The following AK5 variants were observed in gnomAD, a reference collection of about 807,000 sequenced individuals.
AK5 encodes adenylate kinase isoenzyme 5.
In AK5, 27 loss-of-function variants were observed where a neutral mutation model predicts 69.5. That is an observed-to-expected ratio of 0.39 (90% CI 0.29 to 0.54). AK5 has a LOEUF of 0.54. Among genes scored for constraint, AK5 ranks in the 20% least tolerant of loss-of-function variants. The pLI, the probability that AK5 is intolerant of heterozygous loss-of-function variation, is 0.71. For missense variants in AK5, 531 were observed against 700.4 expected, an observed-to-expected ratio of 0.76 and a Z score of 2.73; for synonymous variants, 260 against 244.4, an observed-to-expected ratio of 1.06 and a Z score of -0.60.
chr1:77,388,895 A>G (rs1451602458), intron 6 of AK5, among the ~76,000 whole-genome samples: 1 of 152,222 alleles, frequency 6.6e-6, no homozygotes, highest in Non-Finnish European at 1.5e-5. Context: ...CAGACCGCAA[A>G]TGAAGGAAGC....
chr1:77,316,717 T>C (rs1660261807), intron 5 of AK5, among the ~76,000 whole-genome samples: 1 of 152,334 alleles, frequency 6.6e-6, no homozygotes, highest in Non-Finnish European at 1.5e-5. Context: ...ACTAATGACT[T>C]AGCTTGTTTA....
chr1:77,368,880 G>GTGGT (rs760435376), intron 6 of AK5, among the ~76,000 whole-genome samples: 1 of 148,208 alleles, frequency 6.7e-6, no homozygotes, highest in Non-Finnish European at 1.5e-5. Context: ...ACAATTAAAG[G>GTGGT]TGGTTATGTA....
chr1:77,466,392 A>G (rs1444421089), intron 8 of AK5, among the ~76,000 whole-genome samples: 2 of 152,170 alleles, frequency 1.3e-5, no homozygotes, highest in Non-Finnish European at 2.9e-5. Flanking sequence ...TCGTTACCTA[A>G]TATCAGTTAG....
chr1:77,497,186 G>A (rs1342478034), intron 10 of AK5, among the ~76,000 whole-genome samples: 3 of 152,148 alleles, frequency 2.0e-5, no homozygotes, highest in Admixed American at 1.3e-4. Context: ...AACTCCGGAC[G>A]TGCCACCCTT....
Position 77,282,360 on chromosome 1 carries a change from C to T in AK5, c.47C>T (p.Pro16Leu). The change falls in exon 1 of 14, where the codon CCT (proline) becomes CTT (leucine). Residue 16 changes from proline to leucine, a missense_variant. Coordinates refer to ENST00000354567, the MANE Select transcript of AK5 (RefSeq NM_174858.3). ...GAGTATCTGGCCCGGAGGGAAATCC[C>T]TCAGCTTTTTGAGGTAGGGCTAGAG... ...AKEYLARREI[P>L]QLFESLLNGL... 12 of 1,555,030 alleles carry T rather than the reference C, an allele frequency of 7.7e-6. No homozygotes were observed. The highest frequency in any genetic ancestry group is 1.0e-5 in the Non-Finnish European group (12 of 1,149,610).
chr1:77,427,242 C>G (rs1253915071), intron 8 of AK5, among the ~76,000 whole-genome samples: 1 of 151,926 alleles, frequency 6.6e-6, no homozygotes, highest in African/African-American at 2.4e-5. Flanking sequence ...TCCATAAAAT[C>G]AATGAGCCTC....
chr1:77,296,482 C>A (rs1048946259), intron 3 of AK5, among the ~76,000 whole-genome samples: 2 of 151,656 alleles, frequency 1.3e-5, no homozygotes, highest in Non-Finnish European at 2.9e-5. Flanking sequence ...TCTACTATTG[C>A]CTCCATTAGT....
intron 12 of AK5, among the ~76,000 whole-genome samples, chr1:77,525,602 C>T (rs539868777): frequency 1.2e-3 from 182 of 152,250 alleles, no homozygotes; most frequent in African/African-American, 4.1e-3. Context: ...GTCATTACCA[C>T]GAGGATAGCA....
intron 6 of AK5, among the ~76,000 whole-genome samples, chr1:77,410,641 A>G (rs1442982191): frequency 1.3e-5 from 2 of 152,144 alleles, no homozygotes; most frequent in Non-Finnish European, 1.5e-5. Context: ...TACTGTTTAG[A>G]ACTATATATT....
intron 10 of AK5, among the ~76,000 whole-genome samples, chr1:77,489,515 T>C (rs903243944): frequency 6.6e-6 from 1 of 152,226 alleles, no homozygotes; most frequent in Non-Finnish European, 1.5e-5. Context: ...TTTAACCTTA[T>C]GAAAATATTC....
chr1:77,317,735 C>T (rs1660314808), intron 5 of AK5, among the ~76,000 whole-genome samples: 1 of 152,162 alleles, frequency 6.6e-6, no homozygotes, highest in Admixed American at 6.6e-5. Context: ...GATTGAAAAC[C>T]TTTCATGACA....
intron 6 of AK5, among the ~76,000 whole-genome samples, chr1:77,361,584 A>G (rs1478754503): frequency 1.3e-5 from 2 of 152,158 alleles, no homozygotes; most frequent in Non-Finnish European, 2.9e-5. Flanking sequence ...GTATTAGTCC[A>G]TTTTCATGCT....
In AK5 at chr1:77,282,351, G is replaced by C; in HGVS notation, c.38G>C (p.Arg13Thr). 6.4e-7 allele frequency: 1 copy of C among 1,558,980 alleles called. No individual in the cohort carries two copies. Among genetic ancestry groups the C allele is most frequent in the Non-Finnish European group, 8.7e-7 (1 of 1,151,700 alleles). Residue 13 changes from arginine (R) to threonine (T), a missense_variant, in exon 1 of 14, where the codon AGG becomes ACG. Coordinates refer to ENST00000354567, the MANE Select transcript of AK5 (RefSeq NM_174858.3). ...TNDAKEYLAR[R>T]EIPQLFESLL... ...GATGCCAAGGAGTATCTGGCCCGGA[G>C]GGAAATCCCTCAGCTTTTTGAGGTA...
intron 13 of AK5, among the ~76,000 whole-genome samples, chr1:77,541,760 T>G (rs1400983574): frequency 6.6e-6 from 1 of 152,172 alleles, no homozygotes; most frequent in African/African-American, 2.4e-5. Flanking sequence ...TTTCTTTCTC[T>G]GGCTTATAAG....
At chr1:77,489,111 C>T (rs1182529747) in intron 10 of AK5, among the ~76,000 whole-genome samples, 1 of 152,178 alleles carries the variant, frequency 6.6e-6, no homozygotes, top group African/African-American at 2.4e-5. Flanking sequence ...ACTTCCTTCT[C>T]TCTAGGCATA....
chr1:77,430,230 G>A (rs1309698297), intron 8 of AK5, among the ~76,000 whole-genome samples: 1 of 152,086 alleles, frequency 6.6e-6, no homozygotes, highest in Admixed American at 6.6e-5. Context: ...TAAAAAAGGG[G>A]ACAGAGAGAA....
At chr1:77,289,569 G>C (rs1255342092) in intron 2 of AK5, among the ~76,000 whole-genome samples, 1 of 152,102 alleles carries the variant, frequency 6.6e-6, no homozygotes, top group African/African-American at 2.4e-5. Flanking sequence ...AAGCTGCTCT[G>C]ACTGGGTGTA....
chr1:77,397,266 C>G (rs1648893858), intron 6 of AK5, among the ~76,000 whole-genome samples: 1 of 152,104 alleles, frequency 6.6e-6, no homozygotes, highest in Non-Finnish European at 1.5e-5. Flanking sequence ...CCTCCCCGAG[C>G]CCCACATTGC....
Position 77,282,050 on chromosome 1 carries a change from C to G in AK5, c.-264C>G, listed in dbSNP as rs1658086532. On this transcript the variant is annotated 5_prime_UTR_variant, in exon 1 of 14. Transcript: ENST00000354567. ...CGCGCTGCCTGGCAGCCCGGGAAGC[C>G]GCGGCACAGCTGCTCGGCGCCTGCA... 1 of 346,462 alleles carries G rather than the reference C, an allele frequency of 2.9e-6. No individual in the cohort carries two copies. The highest frequency in any genetic ancestry group is 4.4e-5 in the East Asian group (1 of 22,618). 21.5% of individuals were successfully genotyped at this position (346,462 alleles called of 1,614,324 possible). A position where few individuals can be genotyped will look rare whatever the true frequency, so the allele number is the denominator to read the frequency against.
Sources: gnomAD v4.1 joint callset for allele counts (sites outside exome capture counted in the v4.1 genomes callset) on GRCh38, gnomAD v4.1.1 for gene constraint, MANE v1.5 for transcripts, NCBI Gene and HGNC (gene_info 2026-07-23, HGNC 2026-07-21) for gene names.